Variants in KIF20B observed in about 807,000 individuals in gnomAD.
The protein encoded by KIF20B is kinesin family member 20B.
KIF20B carries 188 observed loss-of-function variants against 232.5 expected under a neutral mutation model. That is an observed-to-expected ratio of 0.81 (90% confidence interval 0.72 to 0.91). The LOEUF is 0.91. KIF20B is among the 40% of genes least tolerant of loss of function. The pLI is 0.00. For missense variants in KIF20B, 2,154 were observed against 2,055.9 expected, an observed-to-expected ratio of 1.05 and a Z score of -0.92; for synonymous variants, 712 against 683.0, an observed-to-expected ratio of 1.04 and a Z score of -0.66.
chr10:89,722,675 A>C (rs901032472), intron 13 of KIF20B, among the ~76,000 whole-genome samples: 1 of 152,268 alleles, frequency 6.6e-6, no homozygotes, highest in East Asian at 1.9e-4. Context: ...TCTCAAAAAA[A>C]ATAAATAAAT....
In KIF20B at chr10:89,751,426, C is replaced by G. The variant is rs746434011; in HGVS notation, c.4177C>G (p.Gln1393Glu). ...EQEQTQVEQD[Q>E]VLEAKLEEVE... ...GGAACAAACTCAGGTAGAACAGGAT[C>G]AAGTGCTTGAGGCTAAATTAGAGGA... Residue 1393 changes from glutamine (Q) to glutamate (E), a missense_variant, in exon 24 of 33, where the codon CAA becomes GAA. By Grantham distance (29) the Gln-to-Glu change is conservative. Transcript: ENST00000371728. The G allele has an allele frequency of 6.2e-7, 1 of 1,609,452 alleles. No individual in the cohort carries two copies. Among genetic ancestry groups the G allele is most frequent in the Non-Finnish European group, 8.5e-7 (1 of 1,177,910 alleles).
At chr10:89,713,358 CAAA>C (rs34139175) in intron 6 of KIF20B, among the ~76,000 whole-genome samples, 1 of 88,638 alleles carries the variant, frequency 1.1e-5, no homozygotes, top group Non-Finnish European at 2.3e-5. Flanking sequence ...AAGACTCTCT[CAAA>C]AAAAAAAAAA....
intron 19 of KIF20B, among the ~76,000 whole-genome samples, chr10:89,733,438 A>T (rs1843372947): frequency 6.6e-6 from 1 of 152,118 alleles, no homozygotes; most frequent in African/African-American, 2.4e-5. Flanking sequence ...TTTTACAGTA[A>T]GACTTTGAGC....
intron 6 of KIF20B, among the ~76,000 whole-genome samples, chr10:89,711,616 A>C (rs1368344453): frequency 6.6e-6 from 1 of 152,030 alleles, no homozygotes; most frequent in Admixed American, 6.5e-5. Flanking sequence ...CTGTATATAC[A>C]CAAACATGGT....
chr10:89,773,876 A>G (rs1377104436), intron 32 of KIF20B, 95 bp from the exon 33 acceptor site: 2 of 574,244 alleles, frequency 3.5e-6, no homozygotes, highest in Non-Finnish European at 5.9e-6. Flanking sequence ...CATTTCAGTT[A>G]CTAAGCACAT....
intron 18 of KIF20B, among the ~76,000 whole-genome samples, chr10:89,730,125 G>A (rs10881644): frequency 0.31 from 46,958 of 151,966 alleles, 8,164 homozygotes; most frequent in African/African-American, 0.46. Context: ...AGGGGTAAAT[G>A]AGGAGCATTC....
intron 15 of KIF20B, among the ~76,000 whole-genome samples, chr10:89,726,037 A>G (rs1033007282): frequency 1.3e-5 from 2 of 152,244 alleles, no homozygotes; most frequent in African/African-American, 4.8e-5. Flanking sequence ...CTAGGTAATC[A>G]TAATTGTTCT....
intron 31 of KIF20B, among the ~76,000 whole-genome samples, chr10:89,771,811 C>T (rs1475791797): frequency 6.6e-6 from 1 of 152,016 alleles, no homozygotes; most frequent in African/African-American, 2.4e-5. Flanking sequence ...CTATGCTGAT[C>T]TGTATTATTC....
chr10:89,748,005 A>C (rs1216240258), intron 23 of KIF20B, among the ~76,000 whole-genome samples: 2 of 152,214 alleles, frequency 1.3e-5, no homozygotes, highest in Admixed American at 6.5e-5. Flanking sequence ...TTGAAATATT[A>C]CAAAATTACT....
At chr10:89,755,521 CCTT>C (rs1163282052) in intron 26 of KIF20B, among the ~76,000 whole-genome samples, 3 of 145,360 alleles carry the variant, frequency 2.1e-5, no homozygotes, top group Non-Finnish European at 4.5e-5. Context: ...ATCCTGTCCT[CCTT>C]CTTCCTTTCC....
Position 89,715,500 on chromosome 10 carries a change from A to T in KIF20B, c.940+318A>T, listed in dbSNP as rs545132596. 3.3e-5 allele frequency among the ~76,000 whole-genome samples: 5 copies of T among 152,302 alleles called. No homozygotes were observed. In the East Asian group the frequency reaches 9.6e-4, roughly 29 times the overall value. ...CCAAATTTTGGAGCTATGAAATGTT[A>T]CTATTCTTCCGGAGTGGTTTTTCTA... is the stretch of plus-strand genomic sequence containing the variant. On this transcript the variant is annotated intron_variant, in intron 8 of 32. Coordinates refer to ENST00000371728, the MANE Select transcript of KIF20B (RefSeq NM_001284259.2).
At chr10:89,744,965 C>G (rs1482138296) in intron 22 of KIF20B, among the ~76,000 whole-genome samples, 1 of 152,194 alleles carries the variant, frequency 6.6e-6, no homozygotes, top group Non-Finnish European at 1.5e-5. Context: ...TGTAGGATAT[C>G]TGGTCCCCAT....
Position 89,714,990 on chromosome 10 carries a change from G to T in KIF20B, c.748G>T (p.Glu250Ter). ...TAACTCTTTGAATATCTCAGAGTTT[G>T]AAGAATCCATAAAAGATTATGAACA... Reference protein sequence around the residue: ...LTNSLNISEFEESIKDYEQAN... With the variant: ...LTNSLNISEF The change falls in exon 8 of 33, where the codon GAA becomes TAA. Residue 250 changes from glutamate (E) to a stop codon, truncating the protein, a stop_gained. Coordinates refer to ENST00000371728, the MANE Select transcript of KIF20B (RefSeq NM_001284259.2). LOFTEE classifies it high-confidence loss of function. The T allele has an allele frequency of 6.3e-7, 1 of 1,587,868 alleles. No individual in the cohort carries two copies. Among genetic ancestry groups the T allele is most frequent in the Non-Finnish European group, 8.6e-7 (1 of 1,167,848 alleles).
intron 29 of KIF20B, among the ~76,000 whole-genome samples, 170 bp downstream of exon 29, chr10:89,763,005 GGCGTGGTGACTCATGCCT>G (rs1842277942): frequency 6.6e-6 from 1 of 152,150 alleles, no homozygotes; most frequent in Non-Finnish European, 1.5e-5. Context: ...CTGTGGGCCA[GGCGTGGTGACTCATGCCT>G]GTAATCCCAG....
rs144025729 is a variant in KIF20B, at chr10:89,745,532, C to T, written c.4036-367C>T. Among the ~76,000 whole-genome samples the T allele has an allele frequency of 3.0e-3, 461 of 151,992 alleles. 3 individuals carry two copies. The highest frequency in any genetic ancestry group is 0.01 in the African/African-American group (428 of 41,432). ...AGGGAGACTCCATCTCAAAAACAAA[C>T]AAATAAATAAATAAATAAATAAAGA... On this transcript the variant is annotated intron_variant, in intron 22 of 32. Coordinates refer to ENST00000371728, the MANE Select transcript of KIF20B (RefSeq NM_001284259.2).
chr10:89,706,586 A>G (rs1255170122), intron 2 of KIF20B, among the ~76,000 whole-genome samples: 1 of 151,538 alleles, frequency 6.6e-6, no homozygotes, highest in Non-Finnish European at 1.5e-5. Context: ...CAGTTGATAT[A>G]GGGACCCAGG....
chr10:89,717,614 T>C lies in KIF20B; in HGVS notation c.1163T>C (p.Met388Thr), dbSNP rs1462275798. Residue 388 changes from methionine to threonine, a missense_variant, in exon 11 of 33, where the codon ATG becomes ACG. Met to Thr is a moderately conservative substitution (Grantham distance 81). Coordinates refer to ENST00000371728, the MANE Select transcript of KIF20B (RefSeq NM_001284259.2). ...GATCTTGCTGGTTCAGAACGAACTA[T>C]GAAGACACAGAATGAAGGTGAAAGG... ...LCDLAGSERT[M>T]KTQNEGERLR... The C allele has an allele frequency of 6.2e-7, 1 of 1,611,954 alleles. No individual in the cohort carries two copies. Among genetic ancestry groups the C allele is most frequent in the Non-Finnish European group, 8.5e-7 (1 of 1,178,878 alleles).
chr10:89,753,845 C>T (rs370137875), intron 25 of KIF20B, among the ~76,000 whole-genome samples: 21 of 152,240 alleles, frequency 1.4e-4, no homozygotes, highest in African/African-American at 4.8e-4. Context: ...GTCTTGATCT[C>T]CTGACCTCGT....
chr10:89,737,271 T>G, intron 19 of KIF20B, 116 bp from the exon 20 acceptor site: 1 of 1,108,962 alleles, frequency 9.0e-7, no homozygotes, highest in Non-Finnish European at 1.2e-6. Flanking sequence ...TCATTTTTTT[T>G]TTTTAATTAG....
Sources: gnomAD v4.1 joint callset for allele counts (sites outside exome capture counted in the v4.1 genomes callset) on GRCh38, gnomAD v4.1.1 for gene constraint, MANE v1.5 for transcripts, NCBI Gene and HGNC (gene_info 2026-07-23, HGNC 2026-07-21) for gene names.